IARS1: variants seen among roughly 807,000 people sequenced by gnomAD.
The protein encoded by IARS1 is isoleucyl-tRNA synthetase 1, also known as isoleucine--tRNA ligase, cytoplasmic.
A neutral mutation model predicts 168.2 loss-of-function variants in IARS1; 124 were observed. That is an observed-to-expected ratio of 0.74 (90% CI 0.64 to 0.86). IARS1 has a LOEUF of 0.86. Ranked by LOEUF, IARS1 falls within the 40% of genes least tolerant of loss-of-function variation. The pLI is 0.00. For missense variants in IARS1, 1,452 were observed against 1,515.8 expected, an observed-to-expected ratio of 0.96 and a Z score of 0.70; for synonymous variants, 532 against 529.4, an observed-to-expected ratio of 1.00 and a Z score of -0.07.
intron 22 of IARS1, 58 bp from the exon 23 acceptor site, chr9:92,250,892 A>G: frequency 2.0e-6 from 3 of 1,494,684 alleles, no homozygotes; most frequent in Non-Finnish European, 1.8e-6. Flanking sequence ...AACTGATCTC[A>G]TTTATACTGA....
chr9:92,285,951 A>T, intron 5 of IARS1, 112 bp from the exon 6 acceptor site: 1 of 652,068 alleles, frequency 1.5e-6, no homozygotes, highest in Non-Finnish European at 2.8e-6. Flanking sequence ...GTGAAAAAAC[A>T]ATGTCTTTCA....
At chr9:92,252,867 C>A (rs931060883) in intron 21 of IARS1, among the ~76,000 whole-genome samples, 3 of 142,472 alleles carry the variant, frequency 2.1e-5, no homozygotes, top group Non-Finnish European at 3.0e-5. Context: ...CTCTATTAAG[C>A]ATCATTGTTA....
At chr9:92,247,727 C>T (rs1441790402) in intron 25 of IARS1, among the ~76,000 whole-genome samples, 176 bp from the exon 26 acceptor site, 1 of 152,152 alleles carries the variant, frequency 6.6e-6, no homozygotes, top group Non-Finnish European at 1.5e-5. Context: ...GAGTATTTGG[C>T]AATATGAAGG....
Position 92,247,477 on chromosome 9 carries a change from A to G in IARS1, c.2691T>C (p.Asp897=). 2 of 1,614,116 alleles carry G rather than the reference A, an allele frequency of 1.2e-6. No homozygotes were observed. Among genetic ancestry groups the G allele is most frequent in the Non-Finnish European group, 1.7e-6 (2 of 1,180,006 alleles). Residue 897 remains aspartate, a synonymous_variant, in exon 26 of 34, where the codon GAT becomes GAC. Transcript: ENST00000443024. ...TCAGACGCTTCCCCAGGACCATGTG[A>G]TCTGGTTCTGCCCTTAGCCGAATGC... The part of the protein sequence containing the change: ...KYGIRLRAEP[D]HMVLGKRLKG...
At chr9:92,217,527 C>T (rs2133354709) in intron 33 of IARS1, among the ~76,000 whole-genome samples, 1 of 145,146 alleles carries the variant, frequency 6.9e-6, no homozygotes, top group African/African-American at 2.7e-5. Flanking sequence ...AGACCACTAG[C>T]AAGACTAATA....
intron 14 of IARS1, 71 bp from the exon 15 acceptor site, chr9:92,265,624 G>C: frequency 8.8e-7 from 1 of 1,138,228 alleles, no homozygotes. Flanking sequence ...AATTTATATA[G>C]CATGCATGTT....
chr9:92,240,381 A>G, intron 30 of IARS1: 1 of 344,630 alleles, frequency 2.9e-6, no homozygotes, highest in Non-Finnish European at 5.2e-6. Context: ...CTCATGCCTC[A>G]GCCTCCTGAG....
intron 9 of IARS1, among the ~76,000 whole-genome samples, 184 bp from the exon 10 acceptor site, chr9:92,274,705 A>G (rs2295941): frequency 0.4 from 60,660 of 152,124 alleles, 14,145 homozygotes; most frequent in African/African-American, 0.64. Flanking sequence ...TTTCCCATAA[A>G]TAAAAAGTTA....
At position 92,210,752 on chromosome 9, in the gene IARS1, T is replaced by A. The variant is rs374298469; in HGVS notation, c.*55A>T. On this transcript the variant is annotated 3_prime_UTR_variant, in exon 34 of 34. Coordinates refer to ENST00000443024, the MANE Select transcript of IARS1 (RefSeq NM_002161.6). ...GTGTGTGTCTATGTGCATGTATGTGTAGGGGATAGGTGTAATTAGGGAAGG... is the reference window on the plus strand; with the variant it reads ...GTGTGTGTCTATGTGCATGTATGTGAAGGGGATAGGTGTAATTAGGGAAGG... The A allele has an allele frequency of 1.4e-4, 132 of 975,382 alleles. 1 individual carries two copies. Among genetic ancestry groups the A allele is most frequent in the Non-Finnish European group, 2.0e-4 (122 of 597,880 alleles). 60.4% of individuals were successfully genotyped at this position (975,382 alleles called of 1,614,324 possible). A position where few individuals can be genotyped will look rare whatever the true frequency, so the allele number is the denominator to read the frequency against.
chr9:92,242,464 C>A, intron 28 of IARS1, 134 bp from the exon 29 acceptor site: 1 of 657,226 alleles, frequency 1.5e-6, no homozygotes, highest in Non-Finnish European at 2.6e-6. Flanking sequence ...TCCCTCCCTG[C>A]TGGGTGATCC....
rs1463557148 is a variant in IARS1 at position 92,210,597 on chromosome 9, T to C, written c.*210A>G. ...GTAACCTGCTCCCAACATGACTGCATAGGTGTCTAAGGTTAAGTGTGAAGA... is the reference window on the plus strand; with the variant it reads ...GTAACCTGCTCCCAACATGACTGCACAGGTGTCTAAGGTTAAGTGTGAAGA... On this transcript the variant is annotated 3_prime_UTR_variant, in exon 34 of 34. Coordinates refer to ENST00000443024, the MANE Select transcript of IARS1 (RefSeq NM_002161.6). 18 of 492,614 alleles carry C rather than the reference T, an allele frequency of 3.7e-5. No homozygotes were observed. In the South Asian group the frequency reaches 4.9e-4, roughly 14 times the overall value. The allele number at this position is 492,614 out of a possible 1,614,324, so 30.5% of individuals were successfully genotyped here. A position where few individuals can be genotyped will look rare whatever the true frequency, so the allele number is the denominator to read the frequency against.
intron 15 of IARS1, 114 bp downstream of exon 15, chr9:92,265,366 G>C: frequency 9.9e-7 from 1 of 1,014,832 alleles, no homozygotes. Context: ...TGAGTCATCA[G>C]CAAAGTAATT....
At chr9:92,289,268 C>T (rs2134002917) in intron 2 of IARS1, 33 bp downstream of exon 2, 5 of 729,898 alleles carry the variant, frequency 6.9e-6, no homozygotes, top group Admixed American at 2.2e-5. Context: ...AATGACTATT[C>T]TTAAGGGAAC....
intron 20 of IARS1, among the ~76,000 whole-genome samples, chr9:92,254,137 TAGA>T (rs1830403968): frequency 6.6e-6 from 1 of 152,088 alleles, no homozygotes; most frequent in East Asian, 1.9e-4. Flanking sequence ...ATGAATAAAA[TAGA>T]ACTGGCCTTC....
intron 10 of IARS1, among the ~76,000 whole-genome samples, chr9:92,273,329 A>T (rs1418708510): frequency 6.6e-6 from 1 of 152,154 alleles, no homozygotes; most frequent in Non-Finnish European, 1.5e-5. Flanking sequence ...GTATTAGGTG[A>T]TTATTAAGGA....
In IARS1 at chr9:92,274,636, C is replaced by T. The variant is rs1358110438; in HGVS notation, c.895-115G>A. On this transcript the variant is annotated intron_variant, in intron 9 of 33. Transcript: ENST00000443024. ...TGCTTTTAACCGGTAAAATTATTTTCAGAAATAGAAAAGAAAGAATAATGC... is the reference window on the plus strand; with the variant it reads ...TGCTTTTAACCGGTAAAATTATTTTTAGAAATAGAAAAGAAAGAATAATGC... The T allele has an allele frequency of 6.2e-6, 4 of 643,444 alleles. No individual in the cohort carries two copies. The Admixed American group carries it at 9.7e-5, about 16-fold the overall frequency. The allele number at this position is 643,444 out of a possible 1,614,324, so 39.9% of individuals were successfully genotyped here.
chr9:92,287,968 G>C, intron 3 of IARS1, 58 bp from the exon 4 acceptor site: 1 of 1,596,574 alleles, frequency 6.3e-7, no homozygotes, highest in Non-Finnish European at 8.5e-7. Context: ...CTGCAACTAT[G>C]CAACTCTAGA....
Position 92,224,402 on chromosome 9 carries a change from T to G in IARS1, c.3410-913A>C, listed in dbSNP as rs1005468811. On this transcript the variant is annotated intron_variant, in intron 31 of 33. Transcript: ENST00000443024. ...TAGCTAGGAGTAGATCTACACTGAT[T>G]CATGGACACTGGCCAATAGCTGGAC... is the stretch of plus-strand genomic sequence containing the variant. Among the ~76,000 whole-genome samples the G allele has an allele frequency of 9.9e-5, 15 of 152,162 alleles. 1 individual carries two copies. The highest frequency in any genetic ancestry group is 4.4e-5 in the Non-Finnish European group (3 of 68,024).
At chr9:92,227,772 T>A (rs933427637) in intron 31 of IARS1, among the ~76,000 whole-genome samples, 2 of 139,818 alleles carry the variant, frequency 1.4e-5, no homozygotes, top group African/African-American at 5.4e-5. Flanking sequence ...ACTTCCTAGA[T>A]GGGATGGCGG....
Sources: gnomAD v4.1 joint callset for allele counts (sites outside exome capture counted in the v4.1 genomes callset) on GRCh38, gnomAD v4.1.1 for gene constraint, MANE v1.5 for transcripts, NCBI Gene and HGNC (gene_info 2026-07-23, HGNC 2026-07-21) for gene names.